The following ASIC2 variants were observed in gnomAD, a reference collection of about 807,000 sequenced individuals.
ASIC2 encodes the protein acid-sensing ion channel 2.
Under a neutral mutation model 57.3 loss-of-function variants are expected in ASIC2, and 25 were observed. That is an observed-to-expected ratio of 0.44 (90% confidence interval 0.32 to 0.61). The LOEUF is 0.61. ASIC2 is among the 20% of genes least tolerant of loss of function. The pLI is 0.06. For missense variants in ASIC2, 641 were observed against 738.1 expected (o/e 0.87, Z 1.52); for synonymous variants, 319 against 307.5 (o/e 1.04, Z -0.39).
At chr17:34,034,136 A>T (rs1907754577) in intron 1 of ASIC2, among the ~76,000 whole-genome samples, 1 of 152,236 alleles carries the variant, frequency 6.6e-6, no homozygotes, top group African/African-American at 2.4e-5. Context: ...AACCGAATCC[A>T]GCAGCACATC....
intron 1 of ASIC2, among the ~76,000 whole-genome samples, chr17:33,471,919 AT>A (rs1287966434): frequency 1.3e-5 from 2 of 152,140 alleles, no homozygotes; most frequent in Admixed American, 1.3e-4. Context: ...GTATTTCCTC[AT>A]TTGACAAATG....
intron 1 of ASIC2, among the ~76,000 whole-genome samples, chr17:33,512,966 C>T (rs898853154): frequency 6.6e-6 from 1 of 152,218 alleles, no homozygotes; most frequent in African/African-American, 2.4e-5. Flanking sequence ...CCAAGGTGAA[C>T]ATGGTGAACT....
chr17:33,629,808 T>C (rs1458736150), intron 1 of ASIC2, among the ~76,000 whole-genome samples: 1 of 152,176 alleles, frequency 6.6e-6, no homozygotes, highest in Admixed American at 6.5e-5. Flanking sequence ...TGGCCTTCAG[T>C]AATATCCCAG....
At chr17:33,261,729 A>C (rs1342806830) in intron 1 of ASIC2, among the ~76,000 whole-genome samples, 2 of 152,200 alleles carry the variant, frequency 1.3e-5, no homozygotes, top group African/African-American at 4.8e-5. Flanking sequence ...AGGCACAGAT[A>C]AGTGACTTGC....
Position 34,032,199 on chromosome 17 carries a change from G to A in ASIC2, c.555+123779C>T, listed in dbSNP as rs1003997780. Reference sequence around the variant, plus strand: ...CTCTACAAGCCAGAAGAGAGTGGGGGCCAATATTCAACATTCTTAAAGAAA... The same window carrying A: ...CTCTACAAGCCAGAAGAGAGTGGGGACCAATATTCAACATTCTTAAAGAAA... On this transcript the variant is annotated intron_variant, in intron 1 of 9. Transcript: ENST00000359872. 1.1e-4 allele frequency among the ~76,000 whole-genome samples: 16 copies of A among 151,802 alleles called. No homozygotes were observed. In the South Asian group the frequency reaches 2.9e-3, roughly 28 times the overall value.
intron 1 of ASIC2, among the ~76,000 whole-genome samples, chr17:34,111,869 C>A (rs1290306646): frequency 6.6e-6 from 1 of 152,074 alleles, no homozygotes; most frequent in Non-Finnish European, 1.5e-5. Context: ...GATTATTTTT[C>A]CATCTTATAA....
At chr17:33,127,401 C>G (rs2092328224) in intron 1 of ASIC2, among the ~76,000 whole-genome samples, 1 of 152,172 alleles carries the variant, frequency 6.6e-6, no homozygotes, top group Admixed American at 6.5e-5. Flanking sequence ...TGAGCATGTT[C>G]CATTGTGCCT....
chr17:33,992,807 T>C (rs1906041895), intron 1 of ASIC2, among the ~76,000 whole-genome samples: 1 of 152,196 alleles, frequency 6.6e-6, no homozygotes, highest in South Asian at 2.1e-4. Context: ...TAGGATGTAA[T>C]AAGAACGTAG....
At chr17:33,311,036 G>A (rs186458686) in intron 1 of ASIC2, among the ~76,000 whole-genome samples, 1 of 152,112 alleles carries the variant, frequency 6.6e-6, no homozygotes, top group African/African-American at 2.4e-5. Context: ...GGGTTCAAAA[G>A]CCCTGAGGAG....
At chr17:33,866,316 A>G (rs772651149) in intron 1 of ASIC2, among the ~76,000 whole-genome samples, 44 of 152,104 alleles carry the variant, frequency 2.9e-4, no homozygotes, top group Non-Finnish European at 5.6e-4. Context: ...AAGTTCTCAA[A>G]TTTGTCCTTT....
intron 1 of ASIC2, among the ~76,000 whole-genome samples, chr17:33,138,495 C>A (rs2142014773): frequency 6.6e-6 from 1 of 152,296 alleles, no homozygotes; most frequent in East Asian, 1.9e-4. Flanking sequence ...ACTATTGAGA[C>A]CTTCACTCGG....
intron 1 of ASIC2, among the ~76,000 whole-genome samples, chr17:33,862,733 T>C (rs1914129741): frequency 6.6e-6 from 1 of 152,196 alleles, no homozygotes; most frequent in East Asian, 1.9e-4. Flanking sequence ...CATGCACCCA[T>C]ACACACCTCT....
At chr17:33,451,232 T>G (rs1252326453) in intron 1 of ASIC2, among the ~76,000 whole-genome samples, 1 of 152,076 alleles carries the variant, frequency 6.6e-6, no homozygotes, top group African/African-American at 2.4e-5. Flanking sequence ...AATTTTTGTA[T>G]TTTTACAAAG....
rs550177930 is a variant in ASIC2 at position 33,737,126 on chromosome 17, A to T, written c.555+418852T>A. ...GTTTCCAAGTTTTTGCTAATACAAA[A>T]ATGCTGCAACTCCCCCTGCTCCACG... is the stretch of plus-strand genomic sequence containing the variant. On this transcript the variant is annotated intron_variant, in intron 1 of 9. Transcript: ENST00000359872. Among the ~76,000 whole-genome samples the T allele has an allele frequency of 2.6e-5, 4 of 152,386 alleles. No homozygotes were observed. The East Asian group carries it at 7.7e-4, about 29-fold the overall frequency.
chr17:33,443,641 C>T (rs890737379), intron 1 of ASIC2, among the ~76,000 whole-genome samples: 6 of 151,260 alleles, frequency 4.0e-5, no homozygotes, highest in African/African-American at 1.2e-4. Context: ...TGGTCTCGAT[C>T]TCCTGACCTC....
At chr17:34,070,640 A>T (rs933069342) in intron 1 of ASIC2, 1 of 152,246 alleles carries the variant, frequency 6.6e-6, no homozygotes, top group African/African-American at 2.4e-5. Context: ...GGACTGGGAC[A>T]CCTGCTCCTA....
chr17:34,104,366 T>C (rs561596084), intron 1 of ASIC2, among the ~76,000 whole-genome samples: 4 of 152,292 alleles, frequency 2.6e-5, no homozygotes, highest in African/African-American at 9.6e-5. Flanking sequence ...GCTTTTCTTA[T>C]AAAATTGAAT....
intron 1 of ASIC2, among the ~76,000 whole-genome samples, chr17:33,636,878 CCCA>C (rs1906386190): frequency 2.0e-5 from 3 of 151,968 alleles, no homozygotes; most frequent in South Asian, 2.1e-4. Context: ...TGCACACACA[CCCA>C]CACACACACA....
intron 1 of ASIC2, among the ~76,000 whole-genome samples, chr17:33,367,479 A>G (rs147512522): frequency 1.0e-3 from 152 of 152,352 alleles, no homozygotes; most frequent in African/African-American, 3.6e-3. Flanking sequence ...CTCCACAGCT[A>G]AGACAAGCTC....
Sources: allele counts gnomAD v4.1 joint callset (sites outside exome capture counted in the v4.1 genomes callset), GRCh38; gene constraint gnomAD v4.1.1; transcripts MANE v1.5; gene names NCBI Gene and HGNC (gene_info 2026-07-23, HGNC 2026-07-21).